The following TMA7 variants were observed in gnomAD, a reference collection of about 807,000 sequenced individuals.
TMA7 encodes the protein translation machinery associated 7 homolog, also known as translation machinery-associated protein 7.
A neutral mutation model predicts 12.5 loss-of-function variants in TMA7; 5 were observed. That is an observed-to-expected ratio of 0.40 (90% confidence interval 0.21 to 0.84). The LOEUF (loss-of-function observed/expected upper bound fraction) is 0.84. Ranked by LOEUF, TMA7 falls within the 40% of genes least tolerant of loss-of-function variation. TMA7 has a pLI of 0.36. For synonymous variants in TMA7, 36 were observed against 28.1 expected (o/e 1.28, Z -0.89); for missense variants, 71 against 75.4 (o/e 0.94, Z 0.22).
At chr3:48,442,672 G>T (rs1160043480) in intron 3 of TMA7, among the ~76,000 whole-genome samples, 1 of 151,630 alleles carries the variant, frequency 6.6e-6, no homozygotes, top group Non-Finnish European at 1.5e-5. Context: ...GGATGGTCTC[G>T]ATCTCCTGAC....
intron 3 of TMA7, among the ~76,000 whole-genome samples, chr3:48,441,287 A>G (rs901145776): frequency 6.7e-6 from 1 of 149,346 alleles, no homozygotes; most frequent in African/African-American, 2.5e-5. Flanking sequence ...CTCGTGATCC[A>G]CCCGCCTCAG....
At chr3:48,442,401 G>T (rs1222884755) in intron 3 of TMA7, among the ~76,000 whole-genome samples, 2 of 147,752 alleles carry the variant, frequency 1.4e-5, no homozygotes, top group African/African-American at 5.0e-5. Context: ...GGTTTATTTT[G>T]TCAGGCCCCT....
chr3:48,442,483 ACT>A (rs1197308859), intron 3 of TMA7, among the ~76,000 whole-genome samples: 2 of 129,608 alleles, frequency 1.5e-5, no homozygotes, highest in African/African-American at 6.0e-5. Context: ...AAATAGTCTC[ACT>A]CTGTCGCCCA....
chr3:48,442,683 C>T (rs1408447618), intron 3 of TMA7, among the ~76,000 whole-genome samples: 1 of 151,944 alleles, frequency 6.6e-6, no homozygotes, highest in African/African-American at 2.4e-5. Context: ...ATCTCCTGAC[C>T]TCGTGATCCA....
chr3:48,443,005 TGAG>T (rs1317633774), intron 3 of TMA7, among the ~76,000 whole-genome samples: 1 of 151,768 alleles, frequency 6.6e-6, no homozygotes, highest in Non-Finnish European at 1.5e-5. Context: ...TTTGGGAGGC[TGAG>T]GTGGGTGGAC....
rs750271806 is a variant in TMA7, at chr3:48,440,331, T to G, written c.16+19T>G. 3 of 1,611,362 alleles carry G rather than the reference T, an allele frequency of 1.9e-6. No homozygotes were observed. In the South Asian group the frequency reaches 3.3e-5, roughly 18 times the overall value. ...CGCGAAGGTAAGTGTTCCGGAACCG[T>G]GAGGACTGCGGGGACGGCGGGGTGG... On this transcript the variant is annotated intron_variant, in intron 1 of 3. Transcript: ENST00000438607.
Position 48,440,296 on chromosome 3 carries a change from C to T in TMA7, c.-1C>T, listed in dbSNP as rs777476469. ...GGTCTGGGGAAGCGGCGGCAGGCGC[C>T]ATGTCCGGCCGCGAAGGTAAGTGTT... On this transcript the variant is annotated 5_prime_UTR_variant, in exon 1 of 4. Coordinates refer to ENST00000438607, the MANE Select transcript of TMA7 (RefSeq NM_015933.6). 1.3e-5 allele frequency: 21 copies of T among 1,606,006 alleles called. No homozygotes were observed. The highest frequency in any genetic ancestry group is 5.3e-5 in the African/African-American group (4 of 74,834).
chr3:48,442,082 G>T (rs983686903), intron 3 of TMA7, among the ~76,000 whole-genome samples: 2 of 151,866 alleles, frequency 1.3e-5, no homozygotes, highest in African/African-American at 4.9e-5. Flanking sequence ...AATTAGCTGG[G>T]CGTGGTGGTG....
At chr3:48,440,747 C>T in intron 3 of TMA7, 119 bp downstream of exon 3, 3 of 892,198 alleles carry the variant, frequency 3.4e-6, no homozygotes, top group East Asian at 2.6e-5. Context: ...TTCCGACGTC[C>T]GCTGCAGCGA....
intron 3 of TMA7, among the ~76,000 whole-genome samples, chr3:48,442,343 C>T (rs1227785988): frequency 1.3e-5 from 2 of 151,234 alleles, no homozygotes; most frequent in East Asian, 3.9e-4. Context: ...TTTAGTGTAA[C>T]TCTATGCTAG....
In TMA7 at chr3:48,440,676, C is replaced by T. The variant is rs777865828; in HGVS notation, c.160+48C>T. ...TCAAGCTGGCCAAACGCTATGAGCA[C>T]CTATTGGGATGAGGGCGCGGGCATG... On this transcript the variant is annotated intron_variant, in intron 3 of 3. Coordinates refer to ENST00000438607, the MANE Select transcript of TMA7 (RefSeq NM_015933.6). 22 of 1,556,328 alleles carry T rather than the reference C, an allele frequency of 1.4e-5. No individual in the cohort carries two copies. In the Admixed American group the frequency reaches 1.8e-4, roughly 13 times the overall value.
intron 3 of TMA7, 72 bp from the exon 4 acceptor site, chr3:48,443,776 C>A: frequency 7.6e-7 from 1 of 1,318,784 alleles, no homozygotes; most frequent in South Asian, 1.6e-5. Flanking sequence ...TACTAAGGTC[C>A]ACAGCAGGCC....
rs570582594 is a variant in TMA7, at chr3:48,440,324, G to A, written c.16+12G>A. ...GTCCGGCCGCGAAGGTAAGTGTTCC[G>A]GAACCGTGAGGACTGCGGGGACGGC... On this transcript the variant is annotated intron_variant, in intron 1 of 3. Transcript: ENST00000438607. 3.1e-6 allele frequency: 5 copies of A among 1,611,402 alleles called. No homozygotes were observed. In the African/African-American group the frequency reaches 5.3e-5, roughly 17 times the overall value.
chr3:48,441,686 A>G (rs983291010), intron 3 of TMA7, among the ~76,000 whole-genome samples: 4 of 152,094 alleles, frequency 2.6e-5, no homozygotes, highest in Non-Finnish European at 4.4e-5. Flanking sequence ...ATTTCAAAAT[A>G]TTTTTCAGGC....
At chr3:48,440,900 A>C in intron 3 of TMA7, 1 of 527,584 alleles carries the variant, frequency 1.9e-6, no homozygotes, top group Non-Finnish European at 3.4e-6. Flanking sequence ...TTTACCTCAG[A>C]CGCAGATTCA....
At chr3:48,441,500 C>T (rs1228835005) in intron 3 of TMA7, among the ~76,000 whole-genome samples, 5,642 of 124,318 alleles carry the variant, frequency 0.045, 376 homozygotes, top group African/African-American at 0.15. Flanking sequence ...TTTTTTTTTT[C>T]GTACTGCTTA....
In TMA7 at chr3:48,443,298, A is replaced by G. The variant is rs536485475; in HGVS notation, c.161-550A>G. ...GTCGGTGGCTCACACCTGTAATCCCATCATTTTGGGAATCTGAGGCAGGCA... is the reference window on the plus strand; with the variant it reads ...GTCGGTGGCTCACACCTGTAATCCCGTCATTTTGGGAATCTGAGGCAGGCA... On this transcript the variant is annotated intron_variant, in intron 3 of 3. Transcript: ENST00000438607. Among the ~76,000 whole-genome samples, 7 of 150,720 alleles carry G rather than the reference A, an allele frequency of 4.6e-5. No individual in the cohort carries two copies. In the East Asian group the frequency reaches 1.4e-3, roughly 29 times the overall value.
chr3:48,443,866 A>C lies in TMA7; in HGVS notation c.179A>C (p.Lys60Thr), dbSNP rs2039621099. ...KGPLATGGIK[K>T]SGKK The stretch of plus-strand genomic sequence containing the variant: ...TTTGCAGCCACAGGTGGAATTAAGA[A>C]ATCTGGCAAAAAGTAAGCTGTTCCT... Residue 60 changes from lysine to threonine, a missense_variant, in exon 4 of 4, where the codon AAA becomes ACA. Physicochemically the swap from Lys to Thr is moderately conservative, Grantham distance 78. Transcript: ENST00000438607. 3.2e-6 allele frequency: 5 copies of C among 1,561,774 alleles called. No homozygotes were observed. The South Asian group carries it at 6.1e-5, about 19-fold the overall frequency.
chr3:48,441,729 G>T (rs1481146990), intron 3 of TMA7, among the ~76,000 whole-genome samples: 1 of 152,172 alleles, frequency 6.6e-6, no homozygotes, highest in Non-Finnish European at 1.5e-5. Context: ...TGCATCATAA[G>T]CATTATTTTA....
Sources: gnomAD v4.1 joint callset for allele counts (sites outside exome capture counted in the v4.1 genomes callset) on GRCh38, gnomAD v4.1.1 for gene constraint, MANE v1.5 for transcripts, NCBI Gene and HGNC (gene_info 2026-07-23, HGNC 2026-07-21) for gene names.